Variants in TRIM67 observed in about 807,000 individuals in gnomAD.
TRIM67 encodes tripartite motif-containing protein 67.
In TRIM67, 39 loss-of-function variants were observed where a neutral mutation model predicts 71.0. The ratio of observed to expected loss-of-function variants is 0.55; its 90% CI spans 0.43 to 0.72. TRIM67 has a LOEUF of 0.72. TRIM67 is among the 30% of genes least tolerant of loss of function. TRIM67 has a pLI of 0.00. For synonymous variants in TRIM67, 481 were observed against 473.9 expected, an observed-to-expected ratio of 1.01 and a Z score of -0.19; for missense variants, 973 against 1,079.2, an observed-to-expected ratio of 0.90 and a Z score of 1.38.
intron 1 of TRIM67, among the ~76,000 whole-genome samples, chr1:231,193,363 T>C (rs1571888231): frequency 6.6e-6 from 1 of 152,158 alleles, no homozygotes; most frequent in African/African-American, 2.4e-5. Flanking sequence ...AATTCATACG[T>C]TGACGCCTAA....
In TRIM67 at chr1:231,216,386, A is replaced by G; in HGVS notation, c.*946A>G. On this transcript the variant is annotated 3_prime_UTR_variant, in exon 10 of 10. Transcript: ENST00000366653. ...TGAAAACACAAGAATTTTAACAACT[A>G]TGTCATAGGTCTTCGCCTGGTGATG... is the stretch of plus-strand genomic sequence containing the variant. 8.1e-6 allele frequency: 8 copies of G among 985,336 alleles called. No homozygotes were observed. Among genetic ancestry groups the G allele is most frequent in the Non-Finnish European group, 9.6e-6 (8 of 829,798 alleles). The allele number at this position is 985,336 out of a possible 1,614,324, so 61.0% of individuals were successfully genotyped here.
intron 1 of TRIM67, chr1:231,185,147 T>C (rs1558296313): frequency 2.6e-6 from 4 of 1,532,832 alleles, no homozygotes; most frequent in East Asian, 2.4e-5. Flanking sequence ...GAAGTGTGTG[T>C]TGTCCAGCCA....
At chr1:231,194,772 T>A (rs973162326) in intron 1 of TRIM67, among the ~76,000 whole-genome samples, 6 of 152,180 alleles carry the variant, frequency 3.9e-5, no homozygotes, top group Non-Finnish European at 7.4e-5. Flanking sequence ...AACCTCAACC[T>A]CCTGGACTCA....
rs1435300505 is a variant in TRIM67, at chr1:231,201,506, T to C, written c.1523T>C (p.Met508Thr). 6.2e-7 allele frequency: 1 copy of C among 1,613,792 alleles called. No individual in the cohort carries two copies. The highest frequency in any genetic ancestry group is 2.2e-5 in the East Asian group (1 of 44,882). The change falls in exon 5 of 10, where the codon ATG becomes ACG. Residue 508 changes from methionine (M) to threonine (T), a missense_variant. This residue lies in a region of TRIM67 where 795 missense variants were observed against 831.3 expected (regional missense o/e 0.96). Coordinates refer to ENST00000366653, the MANE Select transcript of TRIM67 (RefSeq NM_001004342.5). The stretch of plus-strand genomic sequence containing the variant: ...ATCCACCAGCTGGACTTCATTCAGA[T>C]GAAATGTAGGGGTGAGCCGCGGTTG... ...QAIHQLDFIQ[M>T]KCRVPPVPLL...
intron 1 of TRIM67, among the ~76,000 whole-genome samples, chr1:231,195,219 A>G (rs1160157048): frequency 1.3e-5 from 2 of 152,200 alleles, no homozygotes; most frequent in African/African-American, 2.4e-5. Flanking sequence ...AGGTTATCAG[A>G]TGGGTGTCAA....
intron 1 of TRIM67, among the ~76,000 whole-genome samples, chr1:231,196,863 C>A (rs1227782092): frequency 6.6e-6 from 1 of 152,206 alleles, no homozygotes; most frequent in East Asian, 1.9e-4. Flanking sequence ...AGTCCATACA[C>A]CTAGTCCAGT....
chr1:231,211,203 A>G (rs1285318138), intron 8 of TRIM67, among the ~76,000 whole-genome samples: 1 of 151,982 alleles, frequency 6.6e-6, no homozygotes, highest in Non-Finnish European at 1.5e-5. Context: ...TCTCCTGGCC[A>G]TTGGCCACCA....
intron 8 of TRIM67, among the ~76,000 whole-genome samples, chr1:231,210,200 C>T (rs113418708): frequency 0.03 from 4,503 of 152,266 alleles, 90 homozygotes; most frequent in South Asian, 0.047. Context: ...GCCATCTCCC[C>T]AGCAGGAAGG....
At chr1:231,202,167 G>GATAA (rs1304487377) in intron 5 of TRIM67, among the ~76,000 whole-genome samples, 4 of 151,014 alleles carry the variant, frequency 2.6e-5, no homozygotes, top group Admixed American at 6.6e-5. Flanking sequence ...GGAGGAGGTA[G>GATAA]TGGAGGAGGA....
Position 231,216,193 on chromosome 1 carries a change from GCTCT to G in TRIM67, c.*758_*761del, listed in dbSNP as rs763242110. The G allele has an allele frequency of 3.4e-5, 32 of 932,794 alleles. No individual in the cohort carries two copies. In the East Asian group the frequency reaches 3.6e-4, roughly 10 times the overall value. The allele number at this position is 932,794 out of a possible 1,614,324, so 57.8% of individuals were successfully genotyped here. On this transcript the variant is annotated 3_prime_UTR_variant, in exon 10 of 10. Coordinates refer to ENST00000366653, the MANE Select transcript of TRIM67 (RefSeq NM_001004342.5). ...CTCTCTCTCCTTCCTTCCCTCCTTT[GCTCT>G]CTCTTTCTTCCTTTCCTCCTTCTCT...
At chr1:231,166,545 T>TTTGTTGTTG (rs3830895) in intron 1 of TRIM67, among the ~76,000 whole-genome samples, 1 of 151,236 alleles carries the variant, frequency 6.6e-6, no homozygotes, top group Non-Finnish European at 1.5e-5. Flanking sequence ...GTCTCTGGAT[T>TTTGTTGTTG]TTGTTGTTGT....
Position 231,163,907 on chromosome 1 carries a change from T to G in TRIM67, c.938T>G (p.Met313Arg), listed in dbSNP as rs746575672. Residue 313 changes from methionine to arginine, a missense_variant, in exon 1 of 10, where the codon ATG (methionine) becomes AGG (arginine). Coordinates refer to ENST00000366653, the MANE Select transcript of TRIM67 (RefSeq NM_001004342.5). ...GAGCATGAAATGGAGAACTACAGCA[T>G]GTACTGCGTGAGCTGTCGAACCCCG... is the stretch of plus-strand genomic sequence containing the variant. ...CPEHEMENYS[M>R]YCVSCRTPVC... 6.3e-7 allele frequency: 1 copy of G among 1,586,762 alleles called. No homozygotes were observed. Among genetic ancestry groups the G allele is most frequent in the Non-Finnish European group, 8.6e-7 (1 of 1,167,112 alleles).
rs1169774654 is a variant in TRIM67, at chr1:231,206,692, G to T, written c.1721G>T (p.Gly574Val). Reference protein sequence around the residue: ...VGKETLCTIDGLHFNSTYNAR... With the variant: ...VGKETLCTIDVLHFNSTYNAR... The stretch of plus-strand genomic sequence containing the variant: ...AAGGAGACTTTGTGTACCATCGACG[G>T]TCTTCACTTCAACAGCACCTACAAC... Residue 574 changes from glycine (G) to valine (V), a missense_variant, in exon 7 of 10, where the codon GGT becomes GTT. Transcript: ENST00000366653. The T allele has an allele frequency of 1.9e-6, 3 of 1,611,256 alleles. No individual in the cohort carries two copies. Among genetic ancestry groups the T allele is most frequent in the Non-Finnish European group, 2.5e-6 (3 of 1,178,814 alleles).
At chr1:231,173,276 G>A (rs1330031452) in intron 1 of TRIM67, among the ~76,000 whole-genome samples, 4 of 152,222 alleles carry the variant, frequency 2.6e-5, no homozygotes, top group Non-Finnish European at 5.9e-5. Flanking sequence ...GCCAGACACA[G>A]TGTCCCATGC....
At chr1:231,212,474 A>G (rs1458064347) in intron 8 of TRIM67, among the ~76,000 whole-genome samples, 8 of 152,242 alleles carry the variant, frequency 5.3e-5, no homozygotes, top group South Asian at 2.1e-4. Flanking sequence ...TAAAAGGTCA[A>G]TTGGAGTTTG....
intron 1 of TRIM67, among the ~76,000 whole-genome samples, chr1:231,168,181 T>C (rs1682530004): frequency 6.6e-6 from 1 of 152,136 alleles, no homozygotes; most frequent in East Asian, 1.9e-4. Flanking sequence ...GCCAGGCTGG[T>C]CTCAATTGAA....
chr1:231,192,337 G>C (rs938578540), intron 1 of TRIM67, among the ~76,000 whole-genome samples: 1 of 152,056 alleles, frequency 6.6e-6, no homozygotes, highest in Non-Finnish European at 1.5e-5. Context: ...ATGTTTTGTA[G>C]AGACAACAGC....
chr1:231,203,210 A>G (rs866177449), intron 5 of TRIM67, among the ~76,000 whole-genome samples: 2 of 152,218 alleles, frequency 1.3e-5, no homozygotes, highest in South Asian at 4.1e-4. Flanking sequence ...GCCTGAATAG[A>G]GCTAGAAAAT....
At chr1:231,169,993 C>T (rs199542497) in intron 1 of TRIM67, among the ~76,000 whole-genome samples, 6,630 of 134,116 alleles carry the variant, frequency 0.049, 297 homozygotes, top group East Asian at 0.22. Flanking sequence ...TTCTTTCTCT[C>T]TTTTTTTTTT....
Sources: gnomAD v4.1 joint callset for allele counts (sites outside exome capture counted in the v4.1 genomes callset) on GRCh38, gnomAD v4.1.1 for gene constraint, gnomAD v4.1.1 regional missense constraint, MANE v1.5 for transcripts, NCBI Gene and HGNC (gene_info 2026-07-23, HGNC 2026-07-21) for gene names.